The following HS3ST4 variants were observed in gnomAD, a reference collection of about 807,000 sequenced individuals.
HS3ST4 encodes the protein heparan sulfate glucosamine 3-O-sulfotransferase 4.
A neutral mutation model predicts 29.2 loss-of-function variants in HS3ST4; 17 were observed. That is an observed-to-expected ratio of 0.58 (90% CI 0.40 to 0.87). The LOEUF is 0.87. HS3ST4 is among the 40% of genes least tolerant of loss of function. HS3ST4 has a pLI of 0.00. For missense variants in HS3ST4, 627 were observed against 634.5 expected (o/e 0.99, Z 0.13); for synonymous variants, 314 against 285.7 (o/e 1.10, Z -1.00).
At chr16:25,761,193 C>G (rs1417505447) in intron 1 of HS3ST4, among the ~76,000 whole-genome samples, 2 of 152,150 alleles carry the variant, frequency 1.3e-5, no homozygotes, top group African/African-American at 4.8e-5. Flanking sequence ...CGTATCTTGC[C>G]TATAATTTCC....
chr16:25,790,918 A>G (rs1275245168), intron 1 of HS3ST4, among the ~76,000 whole-genome samples: 1 of 152,166 alleles, frequency 6.6e-6, no homozygotes, highest in Non-Finnish European at 1.5e-5. Flanking sequence ...GTTAATCAAT[A>G]TCTTTCTTTA....
At chr16:26,045,300 T>C (rs1767939713) in intron 1 of HS3ST4, among the ~76,000 whole-genome samples, 1 of 152,226 alleles carries the variant, frequency 6.6e-6, no homozygotes, top group Non-Finnish European at 1.5e-5. Flanking sequence ...ATGATATCAC[T>C]GACTTTGGAA....
At chr16:25,882,912 C>CCCT (rs1326445029) in intron 1 of HS3ST4, among the ~76,000 whole-genome samples, 7 of 152,198 alleles carry the variant, frequency 4.6e-5, no homozygotes, top group African/African-American at 1.7e-4. Flanking sequence ...CCTCTCATCT[C>CCCT]ACCAGCTGTC....
At chr16:25,916,199 T>C in intron 1 of HS3ST4, among the ~76,000 whole-genome samples, 1 of 152,186 alleles carries the variant, frequency 6.6e-6, no homozygotes, top group Non-Finnish European at 1.5e-5. Context: ...AGAATTCAAA[T>C]CTAGATCTGT....
intron 1 of HS3ST4, among the ~76,000 whole-genome samples, chr16:25,847,290 T>A (rs1967476137): frequency 6.6e-6 from 1 of 152,218 alleles, no homozygotes; most frequent in Admixed American, 6.5e-5. Flanking sequence ...ATAATTGGGA[T>A]CCCCCCCATA....
chr16:25,977,660 A>C (rs1257204624), intron 1 of HS3ST4, among the ~76,000 whole-genome samples: 1 of 152,238 alleles, frequency 6.6e-6, no homozygotes, highest in African/African-American at 2.4e-5. Context: ...TATTAACACT[A>C]CAGCAAGTTG....
intron 1 of HS3ST4, among the ~76,000 whole-genome samples, chr16:26,083,193 C>T (rs1898744217): frequency 6.6e-6 from 1 of 152,244 alleles, no homozygotes; most frequent in African/African-American, 2.4e-5. Context: ...TAGTCTCTTT[C>T]CCATACCAGC....
At chr16:25,830,514 C>CT (rs1351360983) in intron 1 of HS3ST4, among the ~76,000 whole-genome samples, 1 of 152,162 alleles carries the variant, frequency 6.6e-6, no homozygotes, top group Non-Finnish European at 1.5e-5. Context: ...GACTACTTCT[C>CT]TGAGTTTGTC....
At chr16:25,736,486 A>C (rs1461995134) in intron 1 of HS3ST4, among the ~76,000 whole-genome samples, 1 of 152,206 alleles carries the variant, frequency 6.6e-6, no homozygotes, top group African/African-American at 2.4e-5. Context: ...ATTTCCTCGA[A>C]TCTGTAAGAT....
intron 1 of HS3ST4, among the ~76,000 whole-genome samples, chr16:25,748,555 A>G (rs190493316): frequency 9.2e-5 from 14 of 152,358 alleles, no homozygotes; most frequent in African/African-American, 4.8e-5. Flanking sequence ...AAGCTCCATG[A>G]TAAAAATGCA....
At chr16:25,869,296 A>G (rs1967725575) in intron 1 of HS3ST4, among the ~76,000 whole-genome samples, 1 of 151,852 alleles carries the variant, frequency 6.6e-6, no homozygotes, top group Non-Finnish European at 1.5e-5. Context: ...AAATAATATC[A>G]CTTTCTCCGC....
intron 1 of HS3ST4, among the ~76,000 whole-genome samples, chr16:25,797,242 A>G (rs1477604462): frequency 6.6e-6 from 1 of 152,196 alleles, no homozygotes; most frequent in Non-Finnish European, 1.5e-5. Context: ...AAGATTCTAG[A>G]TGGGAAAGAA....
intron 1 of HS3ST4, among the ~76,000 whole-genome samples, chr16:26,115,157 C>T (rs1045830895): frequency 2.7e-5 from 4 of 150,268 alleles, no homozygotes; most frequent in African/African-American, 4.8e-5. Flanking sequence ...TACTCCCACA[C>T]ATACACTGAC....
intron 1 of HS3ST4, among the ~76,000 whole-genome samples, chr16:25,802,761 C>CA (rs1459507483): frequency 2.0e-5 from 3 of 152,046 alleles, no homozygotes; most frequent in Non-Finnish European, 4.4e-5. Context: ...TATCCTCCAT[C>CA]AAAATGTTGT....
chr16:26,011,595 A>C (rs1006392668), intron 1 of HS3ST4, among the ~76,000 whole-genome samples: 2 of 152,306 alleles, frequency 1.3e-5, no homozygotes, highest in East Asian at 3.9e-4. Context: ...TTTAAAATAC[A>C]TGACCACGTA....
At chr16:25,878,274 A>G (rs1265161338) in intron 1 of HS3ST4, among the ~76,000 whole-genome samples, 2 of 152,176 alleles carry the variant, frequency 1.3e-5, no homozygotes, top group Non-Finnish European at 2.9e-5. Context: ...TAGCTTCTTA[A>G]GATTTTGGCA....
chr16:25,706,047 C>A (rs944770787), intron 1 of HS3ST4, among the ~76,000 whole-genome samples: 3 of 152,192 alleles, frequency 2.0e-5, no homozygotes, highest in African/African-American at 7.2e-5. Flanking sequence ...TTTACAGAAA[C>A]TATTTTATAG....
chr16:25,881,006 C>G (rs1328919399), intron 1 of HS3ST4, among the ~76,000 whole-genome samples: 3 of 152,052 alleles, frequency 2.0e-5, no homozygotes, highest in African/African-American at 4.8e-5. Flanking sequence ...GGATGGCTCA[C>G]CCATCAAGGA....
At chr16:25,936,126 T>A (rs1400155526) in intron 1 of HS3ST4, among the ~76,000 whole-genome samples, 1 of 152,212 alleles carries the variant, frequency 6.6e-6, no homozygotes, top group Admixed American at 6.5e-5. Context: ...ATCTCCATGA[T>A]GGTCCTGTTG....
Sources: allele counts gnomAD v4.1 joint callset (sites outside exome capture counted in the v4.1 genomes callset), GRCh38; gene constraint gnomAD v4.1.1; transcripts MANE v1.5; gene names NCBI Gene and HGNC (gene_info 2026-07-23, HGNC 2026-07-21).